Variants in SWT1 observed in about 807,000 individuals in gnomAD.
The protein encoded by SWT1 is transcriptional protein SWT1.
SWT1 carries 33 observed loss-of-function variants against 107.3 expected under a neutral mutation model. The ratio of observed to expected loss-of-function variants is 0.31; its 90% CI spans 0.23 to 0.41. The LOEUF (loss-of-function observed/expected upper bound fraction) is 0.41. Ranked by LOEUF, SWT1 falls within the 10% of genes least tolerant of loss-of-function variation. The pLI, the probability that SWT1 is intolerant of heterozygous loss-of-function variation, is 1.00. For synonymous variants in SWT1, 345 were observed against 348.3 expected, an observed-to-expected ratio of 0.99 and a Z score of 0.11; for missense variants, 898 against 1,028.9, an observed-to-expected ratio of 0.87 and a Z score of 1.74.
intron 9 of SWT1, among the ~76,000 whole-genome samples, chr1:185,190,288 G>A (rs1186108812): frequency 6.6e-6 from 1 of 152,074 alleles, no homozygotes; most frequent in Non-Finnish European, 1.5e-5. Flanking sequence ...CACTGGAGTG[G>A]TACCTTTGTT....
intron 13 of SWT1, among the ~76,000 whole-genome samples, chr1:185,212,381 G>A (rs1037446650): frequency 6.6e-6 from 1 of 152,026 alleles, no homozygotes; most frequent in African/African-American, 2.4e-5. Flanking sequence ...CTGGCAGGGG[G>A]GTCTGCTCTT....
At chr1:185,215,549 A>G (rs1038184490) in intron 14 of SWT1, among the ~76,000 whole-genome samples, 2 of 152,058 alleles carry the variant, frequency 1.3e-5, no homozygotes, top group Admixed American at 6.6e-5. Context: ...TTTTGTACCC[A>G]GTAATACAGA....
intron 6 of SWT1, 44 bp from the exon 7 acceptor site, chr1:185,181,902 G>T: frequency 6.2e-7 from 1 of 1,607,460 alleles, no homozygotes; most frequent in South Asian, 1.1e-5. Context: ...TTGTCAGTCT[G>T]CAAAGTAACT....
chr1:185,211,544 G>C (rs550250543), intron 13 of SWT1, among the ~76,000 whole-genome samples: 1 of 152,012 alleles, frequency 6.6e-6, no homozygotes, highest in South Asian at 2.1e-4. Context: ...CTCCAAAGCG[G>C]TTTTATAAAC....
intron 18 of SWT1, among the ~76,000 whole-genome samples, chr1:185,288,242 A>T (rs1665057542): frequency 6.6e-6 from 1 of 151,992 alleles, no homozygotes; most frequent in African/African-American, 2.4e-5. Context: ...TCAGATTTAA[A>T]TTTTTTTTAT....
chr1:185,291,323 A>C lies in SWT1; in HGVS notation c.*520A>C, dbSNP rs923835947. The stretch of plus-strand genomic sequence containing the variant: ...CCTGATGAAAATAACACCCTCCTTC[A>C]CCTCCCTCAGGGTAATGAAAGTAGA... On this transcript the variant is annotated 3_prime_UTR_variant, in exon 19 of 19. Transcript: ENST00000367500. 1.3e-5 allele frequency: 2 copies of C among 152,384 alleles called. No individual in the cohort carries two copies. Among genetic ancestry groups the C allele is most frequent in the African/African-American group, 4.8e-5 (2 of 41,346 alleles). The allele number at this position is 152,384 out of a possible 1,614,324, so 9.4% of individuals were successfully genotyped here.
chr1:185,229,071 G>T (rs919988307), intron 15 of SWT1, among the ~76,000 whole-genome samples: 9 of 152,142 alleles, frequency 5.9e-5, no homozygotes, highest in Non-Finnish European at 5.9e-5. Context: ...TTTAAGCAAA[G>T]AAATGACAAG....
intron 10 of SWT1, among the ~76,000 whole-genome samples, chr1:185,198,938 A>ATTT (rs58426812): frequency 7.7e-6 from 1 of 129,906 alleles, no homozygotes; most frequent in Admixed American, 7.8e-5. Flanking sequence ...GCTCGTTTAC[A>ATTT]TTTTTTTTTT....
At chr1:185,161,601 G>C (rs953154098) in intron 2 of SWT1, among the ~76,000 whole-genome samples, 1 of 152,080 alleles carries the variant, frequency 6.6e-6, no homozygotes, top group South Asian at 2.1e-4. Context: ...AGGAAGCTGA[G>C]GTGGGAGGAG....
intron 7 of SWT1, among the ~76,000 whole-genome samples, chr1:185,182,863 C>T (rs535421065): frequency 1.2e-4 from 18 of 152,108 alleles, no homozygotes; most frequent in Non-Finnish European, 2.6e-4. Context: ...TGACCGGGCA[C>T]GGTGGCTCAC....
chr1:185,187,322 G>A (rs1037327930), intron 9 of SWT1, among the ~76,000 whole-genome samples: 19 of 151,818 alleles, frequency 1.3e-4, no homozygotes, highest in African/African-American at 3.6e-4. Flanking sequence ...AGCCTCCCTC[G>A]GCTTACAGGT....
intron 18 of SWT1, chr1:185,281,278 A>G (rs1664599926): frequency 4.6e-6 from 1 of 215,442 alleles, no homozygotes; most frequent in African/African-American, 2.3e-5. Context: ...AGAAGCATAT[A>G]TTGTGGAAGA....
At chr1:185,254,831 G>A (rs1176213869) in intron 16 of SWT1, among the ~76,000 whole-genome samples, 1 of 151,386 alleles carries the variant, frequency 6.6e-6, no homozygotes, top group Non-Finnish European at 1.5e-5. Context: ...GCTTTTGAAT[G>A]TGTTTGCTCT....
intron 4 of SWT1, chr1:185,171,307 G>A (rs567708900): frequency 1.0e-5 from 2 of 199,978 alleles, no homozygotes; most frequent in Non-Finnish European, 2.1e-5. Context: ...TCAAGAATTC[G>A]TATAAAATAT....
Position 185,184,340 on chromosome 1 carries a change from AC to A in SWT1, c.1238del (p.Pro413GlnfsTer8). ...FVRILKTTEV[P>X]GFDKLVLIIP... ...TTAGAATTTTGAAGACAACAGAAGT[AC>A]CAGGTATTTACAGAACATATTTAAA... On this transcript the variant is annotated frameshift_variant, in exon 8 of 19. Coordinates refer to ENST00000367500, the MANE Select transcript of SWT1 (RefSeq NM_017673.7). LOFTEE classifies it high-confidence loss of function. 2 of 1,490,566 alleles carry A rather than the reference AC, an allele frequency of 1.3e-6. No homozygotes were observed. The highest frequency in any genetic ancestry group is 1.9e-5 in the Admixed American group (1 of 53,100). 92.3% of individuals were successfully genotyped at this position (1,490,566 alleles called of 1,614,324 possible).
chr1:185,287,690 C>G (rs1428990326), intron 18 of SWT1, among the ~76,000 whole-genome samples: 1 of 152,196 alleles, frequency 6.6e-6, no homozygotes, highest in Non-Finnish European at 1.5e-5. Flanking sequence ...AGCCAATATT[C>G]TGTCATTCTA....
In SWT1 at chr1:185,199,344, C is replaced by T. The variant is rs186800383; in HGVS notation, c.1524-3310C>T. On this transcript the variant is annotated intron_variant, in intron 10 of 18. Coordinates refer to ENST00000367500, the MANE Select transcript of SWT1 (RefSeq NM_017673.7). ...AGTTGATGCAGTTTCTTCATAGTGT[C>T]GATGGTCTTTACAATTTGGTATGTT... Among the ~76,000 whole-genome samples the T allele has an allele frequency of 9.2e-5, 14 of 152,204 alleles. No homozygotes were observed. In the South Asian group the frequency reaches 1.7e-3, roughly 18 times the overall value.
At chr1:185,248,397 A>G (rs1433381292) in intron 16 of SWT1, among the ~76,000 whole-genome samples, 2 of 152,232 alleles carry the variant, frequency 1.3e-5, no homozygotes, top group Non-Finnish European at 2.9e-5. Context: ...CCAGGCCAAC[A>G]TATTTTTCGT....
At position 185,167,573 on chromosome 1, in the gene SWT1, C is replaced by A. The variant is rs144669476; in HGVS notation, c.166-767C>A. Among the ~76,000 whole-genome samples the A allele has an allele frequency of 2.0e-3, 308 of 152,290 alleles. 2 individuals are homozygous for A. Among genetic ancestry groups the A allele is most frequent in the South Asian group, 1.2e-3 (6 of 4,826 alleles). ...TGCAATATTAACCTTCTTGAAACAC[C>A]GATTTCATCCCATTTCTCCTCTGCT... is the stretch of plus-strand genomic sequence containing the variant. On this transcript the variant is annotated intron_variant, in intron 3 of 18. Transcript: ENST00000367500.
Sources: allele counts gnomAD v4.1 joint callset (sites outside exome capture counted in the v4.1 genomes callset), GRCh38; gene constraint gnomAD v4.1.1; transcripts MANE v1.5; gene names NCBI Gene and HGNC (gene_info 2026-07-23, HGNC 2026-07-21).